The following ATP8A2 variants were observed in gnomAD, a reference collection of about 807,000 sequenced individuals.
The protein encoded by ATP8A2 is ATPase phospholipid transporting 8A2.
Under a neutral mutation model 165.6 loss-of-function variants are expected in ATP8A2, and 100 were observed. That is an observed-to-expected ratio of 0.60 (90% CI 0.51 to 0.71). The LOEUF (loss-of-function observed/expected upper bound fraction) is 0.71. ATP8A2 is among the 30% of genes least tolerant of loss of function. The pLI, the probability that ATP8A2 is intolerant of heterozygous loss-of-function variation, is 0.00. For missense variants in ATP8A2, 1,227 were observed against 1,479.5 expected, an observed-to-expected ratio of 0.83 and a Z score of 2.80; for synonymous variants, 543 against 548.8, an observed-to-expected ratio of 0.99 and a Z score of 0.15.
At chr13:26,012,790 A>T (rs1451084355) in intron 36 of ATP8A2, among the ~76,000 whole-genome samples, 168 bp downstream of exon 36, 2 of 152,034 alleles carry the variant, frequency 1.3e-5, no homozygotes, top group Non-Finnish European at 2.9e-5. Context: ...ATTTGGCCCC[A>T]GGAACGTGCA....
At chr13:25,529,025 G>A (rs1332892047) in intron 2 of ATP8A2, among the ~76,000 whole-genome samples, 9 of 151,924 alleles carry the variant, frequency 5.9e-5, no homozygotes, top group African/African-American at 2.2e-4. Context: ...CTCTTCCTGT[G>A]TCCATGTGTT....
rs1238309601 is a variant in ATP8A2 at position 25,750,376 on chromosome 13, G to A, written c.2385-18670G>A. Among the ~76,000 whole-genome samples, 1 of 152,118 alleles carries A rather than the reference G, an allele frequency of 6.6e-6. No homozygotes were observed. Among genetic ancestry groups the A allele is most frequent in the Admixed American group, 6.5e-5 (1 of 15,276 alleles). ...CTGTGGGCAGTTTCCCTCTGCTAGTGCCCCCTCTTCCTTGGTTACTCTCAT... is the reference window on the plus strand; with the variant it reads ...CTGTGGGCAGTTTCCCTCTGCTAGTACCCCCTCTTCCTTGGTTACTCTCAT... On this transcript the variant is annotated intron_variant, in intron 25 of 36. Transcript: ENST00000381655. This position sits in a 1 kb window ranked among gnomAD's most constrained non-coding sequence, Gnocchi z 4.3.
chr13:25,593,846 C>T (rs1475640471), intron 24 of ATP8A2, among the ~76,000 whole-genome samples: 1 of 152,156 alleles, frequency 6.6e-6, no homozygotes. Flanking sequence ...CTCACAGATG[C>T]TGACTTAATA....
intron 27 of ATP8A2, among the ~76,000 whole-genome samples, chr13:25,795,919 GGAGTTCAC>G (rs1418893912): frequency 6.6e-6 from 1 of 151,302 alleles, no homozygotes; most frequent in Non-Finnish European, 1.5e-5. Context: ...ACTAGAATAT[GGAGTTCAC>G]AGGACAGCAT....
chr13:25,546,464 G>T (rs1205790080), intron 10 of ATP8A2, among the ~76,000 whole-genome samples: 1 of 150,798 alleles, frequency 6.6e-6, no homozygotes, highest in Non-Finnish European at 1.5e-5. Flanking sequence ...GTCTGTGCTT[G>T]TGCTACTTGA....
At chr13:25,578,243 C>G (rs577320831) in intron 20 of ATP8A2, among the ~76,000 whole-genome samples, 1 of 152,142 alleles carries the variant, frequency 6.6e-6, no homozygotes, top group Admixed American at 6.5e-5. Flanking sequence ...TTGTAATAGC[C>G]TAAAACTATG....
chr13:25,532,372 G>A, intron 5 of ATP8A2, 55 bp downstream of exon 5: 1 of 1,274,744 alleles, frequency 7.8e-7, no homozygotes, highest in South Asian at 1.3e-5. Flanking sequence ...AATAAGGCCT[G>A]CATTTAAGGA....
chr13:25,898,307 C>T (rs1953625071), intron 33 of ATP8A2, among the ~76,000 whole-genome samples: 1 of 152,188 alleles, frequency 6.6e-6, no homozygotes, highest in Admixed American at 6.5e-5. Flanking sequence ...ACCCTGTTTG[C>T]CTACGTATCA....
chr13:25,688,886 C>T (rs1178147740), intron 24 of ATP8A2, among the ~76,000 whole-genome samples: 1 of 116,584 alleles, frequency 8.6e-6, no homozygotes, highest in Admixed American at 1.0e-4. Context: ...TGGCTATGAT[C>T]TTCACTGCCA....
chr13:25,421,663 A>T (rs947543401), intron 1 of ATP8A2, among the ~76,000 whole-genome samples: 2 of 152,248 alleles, frequency 1.3e-5, no homozygotes, highest in African/African-American at 4.8e-5. Flanking sequence ...GAAGTAAACT[A>T]TATGGAAACT....
chr13:25,651,481 T>C (rs1010702447), intron 24 of ATP8A2, among the ~76,000 whole-genome samples: 1 of 152,066 alleles, frequency 6.6e-6, no homozygotes, highest in Non-Finnish European at 1.5e-5. Context: ...TTCTTAGAAG[T>C]CAGGCTGTTA....
intron 13 of ATP8A2, among the ~76,000 whole-genome samples, chr13:25,557,134 T>C (rs374092194): frequency 3.9e-5 from 6 of 152,360 alleles, no homozygotes; most frequent in East Asian, 1.9e-4. Flanking sequence ...TTCTTTGATA[T>C]AATTTTCCAA....
intron 18 of ATP8A2, among the ~76,000 whole-genome samples, chr13:25,573,336 TG>T (rs1298941759): frequency 8.1e-6 from 1 of 123,152 alleles, no homozygotes; most frequent in Non-Finnish European, 1.8e-5. Context: ...GAGAGCCTAT[TG>T]GTGTTGTCCT....
intron 35 of ATP8A2, among the ~76,000 whole-genome samples, chr13:25,974,986 G>A (rs1325229151): frequency 2.6e-5 from 4 of 152,048 alleles, no homozygotes; most frequent in African/African-American, 9.7e-5. Context: ...AGTGATTTCC[G>A]CCTCTGCTTC....
At chr13:25,927,325 T>C in intron 33 of ATP8A2, 1 of 390,866 alleles carries the variant, frequency 2.6e-6, no homozygotes. Flanking sequence ...GTGAGTTCAG[T>C]GTTTGGTTTT....
intron 24 of ATP8A2, among the ~76,000 whole-genome samples, chr13:25,636,849 T>C (rs1772891430): frequency 6.6e-6 from 1 of 152,114 alleles, no homozygotes; most frequent in Non-Finnish European, 1.5e-5. Context: ...TCCCAATACT[T>C]TGGGAGACCA....
At chr13:26,005,452 TG>T (rs1413367918) in intron 35 of ATP8A2, among the ~76,000 whole-genome samples, 3 of 152,050 alleles carry the variant, frequency 2.0e-5, no homozygotes, top group African/African-American at 7.2e-5. Flanking sequence ...ATTTCTGCTC[TG>T]GTCTTTTTTG....
intron 33 of ATP8A2, among the ~76,000 whole-genome samples, chr13:25,873,326 G>C (rs564424405): frequency 6.6e-6 from 1 of 151,260 alleles, no homozygotes; most frequent in South Asian, 2.1e-4. Context: ...GTGTGGATCT[G>C]ACTCAAGTCA....
intron 24 of ATP8A2, among the ~76,000 whole-genome samples, chr13:25,690,623 T>A (rs2137861477): frequency 6.6e-6 from 1 of 152,236 alleles, no homozygotes; most frequent in Non-Finnish European, 1.5e-5. Context: ...AATTACTAAA[T>A]CTAATACTAC....
Sources: gnomAD v4.1 joint callset for allele counts (sites outside exome capture counted in the v4.1 genomes callset) on GRCh38, gnomAD v4.1.1 for gene constraint, Gnocchi (gnomAD v3.1) non-coding constraint, MANE v1.5 for transcripts, NCBI Gene and HGNC (gene_info 2026-07-23, HGNC 2026-07-21) for gene names.